The following CC2D1A variants were observed in gnomAD, a reference collection of about 807,000 sequenced individuals.
The protein encoded by CC2D1A is coiled-coil and C2 domain containing 1A.
CC2D1A carries 68 observed loss-of-function variants against 123.8 expected under a neutral mutation model. The ratio of observed to expected loss-of-function variants is 0.55; its 90% CI spans 0.45 to 0.67. CC2D1A has a LOEUF of 0.67. Ranked by LOEUF, CC2D1A falls within the 30% of genes least tolerant of loss-of-function variation. The pLI, the probability that CC2D1A is intolerant of heterozygous loss-of-function variation, is 0.00. For synonymous variants in CC2D1A, 477 were observed against 528.0 expected (o/e 0.90, Z 1.32); for missense variants, 1,185 against 1,290.3 (o/e 0.92, Z 1.25).
chr19:13,907,793 A>G (rs1162825098), intron 1 of CC2D1A, among the ~76,000 whole-genome samples: 1 of 152,202 alleles, frequency 6.6e-6, no homozygotes, highest in African/African-American at 2.4e-5. Context: ...GTTTATGGAA[A>G]GTGCTAGAAC....
Position 13,928,139 on chromosome 19 carries a change from A to C in CC2D1A, c.2470A>C (p.Lys824Gln). 1 of 1,607,514 alleles carries C rather than the reference A, an allele frequency of 6.2e-7. No individual in the cohort carries two copies. Among genetic ancestry groups the C allele is most frequent in the Non-Finnish European group, 8.5e-7 (1 of 1,179,160 alleles). ...TCCTCTGAAGCAGGTTGCTGGGCCCAAAGGGAAGGCCCCTCCTGTGCCTGC... is the reference window on the plus strand; with the variant it reads ...TCCTCTGAAGCAGGTTGCTGGGCCCCAAGGGAAGGCCCCTCCTGTGCCTGC... ...AAVPTQVAGP[K>Q]GKAPPVPAPA... The change falls in exon 24 of 29, where the codon AAA (lysine) becomes CAA (glutamine). Residue 824 changes from lysine (K) to glutamine (Q), a missense_variant. Coordinates refer to ENST00000318003, the MANE Select transcript of CC2D1A (RefSeq NM_017721.5).
At position 13,918,578 on chromosome 19, in the gene CC2D1A, TG is replaced by T. The variant is rs1406886095; in HGVS notation, c.946+3del. On this transcript the variant is annotated splice_donor_region_variant and intron_variant, in intron 8 of 28. Coordinates refer to ENST00000318003, the MANE Select transcript of CC2D1A (RefSeq NM_017721.5). ...TCTCCTGCCTGCCCCCTCCACCCGGTGAGAACCCTGCCATGCCCACTCTCTG... is the reference window on the plus strand; with the variant it reads ...TCTCCTGCCTGCCCCCTCCACCCGGTAGAACCCTGCCATGCCCACTCTCTG... 6.2e-7 allele frequency: 1 copy of T among 1,613,076 alleles called. No homozygotes were observed. Among genetic ancestry groups the T allele is most frequent in the East Asian group, 2.2e-5 (1 of 44,866 alleles).
chr19:13,919,265 A>G, intron 11 of CC2D1A, 63 bp downstream of exon 11: 1 of 1,310,540 alleles, frequency 7.6e-7, no homozygotes, highest in Non-Finnish European at 1.0e-6. Context: ...CCGCCCCCAG[A>G]GGCCCCGCCG....
At chr19:13,927,143 A>G (rs765062482) in intron 21 of CC2D1A, 32 bp from the exon 22 acceptor site, 3 of 1,611,928 alleles carry the variant, frequency 1.9e-6, no homozygotes, top group South Asian at 1.1e-5. Flanking sequence ...TGAACCAACC[A>G]TCCTGTCCCC....
chr19:13,914,380 G>GC (rs1568407827), intron 6 of CC2D1A, among the ~76,000 whole-genome samples: 2 of 151,434 alleles, frequency 1.3e-5, no homozygotes, highest in Non-Finnish European at 1.5e-5. Context: ...TGTCACCCAG[G>GC]CTGGAGTGCA....
chr19:13,916,951 A>G (rs1971228042), intron 6 of CC2D1A, among the ~76,000 whole-genome samples: 1 of 152,216 alleles, frequency 6.6e-6, no homozygotes, highest in African/African-American at 2.4e-5. Context: ...TATTATTTGA[A>G]ACTGTAACTA....
chr19:13,930,201 G>A lies in CC2D1A; in HGVS notation c.2788-41G>A, dbSNP rs1432310219. ...TGGGCACTGGGCAGCGGGCAGGGTG[G>A]GGCCTGCAGGGACTACCTGCTGAAT... is the stretch of plus-strand genomic sequence containing the variant. On this transcript the variant is annotated intron_variant, in intron 27 of 28. Transcript: ENST00000318003. The surrounding 1 kb of genome is among the most constrained non-coding windows in gnomAD (Gnocchi z 6.8). 1 of 1,605,730 alleles carries A rather than the reference G, an allele frequency of 6.2e-7. No individual in the cohort carries two copies. Among genetic ancestry groups the A allele is most frequent in the African/African-American group, 1.5e-5 (1 of 67,868 alleles).
chr19:13,913,063 A>C, intron 4 of CC2D1A, 105 bp from the exon 5 acceptor site: 1 of 1,211,034 alleles, frequency 8.3e-7, no homozygotes, highest in South Asian at 1.6e-5. Context: ...GGGGCAGGGG[A>C]GGCTGGTCCA....
At chr19:13,929,909 G>C (rs1327571163) in intron 26 of CC2D1A, among the ~76,000 whole-genome samples, 169 bp from the exon 27 acceptor site, 3 of 109,686 alleles carry the variant, frequency 2.7e-5, no homozygotes, top group African/African-American at 1.1e-4. Flanking sequence ...GGAGGGGCTC[G>C]GGGATGGGCA....
At position 13,909,918 on chromosome 19, in the gene CC2D1A, CG is replaced by C; in HGVS notation, c.161del (p.Gly54AlafsTer28). On this transcript the variant is annotated frameshift_variant, in exon 2 of 29. Transcript: ENST00000318003. LOFTEE classifies it high-confidence loss of function. ...TGGAGGCTGAGTTCTTGGCTTTGGT[CG>C]GGGGCCAGCCCCCAGCCCTGGAGAA... ...ELEAEFLALV[G>X]GQPPALEKLK... 3.9e-6 allele frequency: 6 copies of C among 1,541,380 alleles called. No homozygotes were observed. Among genetic ancestry groups the C allele is most frequent in the Non-Finnish European group, 5.2e-6 (6 of 1,142,906 alleles).
rs146579593 is a variant in CC2D1A, at chr19:13,923,458, G to A, written c.1764+3G>A. On this transcript the variant is annotated splice_donor_region_variant and intron_variant, in intron 15 of 28. Transcript: ENST00000318003. The surrounding 1 kb of genome is among the most constrained non-coding windows in gnomAD (Gnocchi z 5.3). ...AGCTCATACGGCAGCAGCACGAGGTGAGGGGGAGGCCCCCAGCCCATCCCC... is the reference window on the plus strand; with the variant it reads ...AGCTCATACGGCAGCAGCACGAGGTAAGGGGGAGGCCCCCAGCCCATCCCC... 77 of 1,614,128 alleles carry A rather than the reference G, an allele frequency of 4.8e-5. No homozygotes were observed. In the African/African-American group the frequency reaches 8.4e-4, roughly 18 times the overall value.
intron 12 of CC2D1A, 190 bp from the exon 13 acceptor site, chr19:13,920,367 T>G (rs1212313273): frequency 1.7e-6 from 1 of 596,764 alleles, no homozygotes; most frequent in Non-Finnish European, 2.9e-6. Context: ...ACAGTGATAC[T>G]CTGTCTCAAA....
intron 1 of CC2D1A, among the ~76,000 whole-genome samples, chr19:13,909,245 G>A (rs1294151192): frequency 1.4e-4 from 22 of 151,960 alleles, no homozygotes; most frequent in South Asian, 4.1e-4. Flanking sequence ...GCGTGGTGGC[G>A]GGCGCCTGTA....
intron 17 of CC2D1A, among the ~76,000 whole-genome samples, chr19:13,924,641 TG>T (rs1244183329): frequency 6.6e-6 from 1 of 152,174 alleles, no homozygotes; most frequent in Non-Finnish European, 1.5e-5. Context: ...AGCTAATTTT[TG>T]TATTTTTAGT....
chr19:13,923,493 G>T lies in CC2D1A; in HGVS notation c.1764+38G>T. On this transcript the variant is annotated intron_variant, in intron 15 of 28. Transcript: ENST00000318003. This position sits in a 1 kb window ranked among gnomAD's most constrained non-coding sequence, Gnocchi z 5.3. ...CCCCCAGCCCATCCCCCAGGAGCGT[G>T]ACCCTCCTTCCCCTCTCTTCCCTTC... is the stretch of plus-strand genomic sequence containing the variant. The T allele has an allele frequency of 6.2e-7, 1 of 1,614,008 alleles. No homozygotes were observed.
Position 13,918,161 on chromosome 19 carries a change from C to T in CC2D1A, c.840C>T (p.Thr280=). ...TCCACGCCAAGCAGCAGGGAGATAC[C>T]ACTGCTGCCGCTAGACACTTCCGCG... ...AALHAKQQGD[T]TAAARHFRVA... Residue 280 remains threonine (T), a synonymous_variant, in exon 7 of 29, where the codon ACC becomes ACT. Transcript: ENST00000318003. 1 of 1,606,080 alleles carries T rather than the reference C, an allele frequency of 6.2e-7. No individual in the cohort carries two copies. Among genetic ancestry groups the T allele is most frequent in the Non-Finnish European group, 8.5e-7 (1 of 1,177,576 alleles).
intron 1 of CC2D1A, among the ~76,000 whole-genome samples, chr19:13,909,425 G>T (rs1374176725): frequency 1.3e-5 from 2 of 151,666 alleles, no homozygotes; most frequent in Non-Finnish European, 2.9e-5. Flanking sequence ...AGAGTTGGGG[G>T]TCTCACTGTA....
Position 13,906,970 on chromosome 19 carries a change from G to T in CC2D1A, c.60+469G>T, listed in dbSNP as rs1970776370. On this transcript the variant is annotated intron_variant, in intron 1 of 28. Coordinates refer to ENST00000318003, the MANE Select transcript of CC2D1A (RefSeq NM_017721.5). This position sits in a 1 kb window ranked among gnomAD's most constrained non-coding sequence, Gnocchi z 4.1. ...CCCTTCTCACTCTCCCGACTTCTTTGCCCCAGGCACCAGATAGTTTGATTT... is the reference window on the plus strand; with the variant it reads ...CCCTTCTCACTCTCCCGACTTCTTTTCCCCAGGCACCAGATAGTTTGATTT... Among the ~76,000 whole-genome samples, 1 of 152,098 alleles carries T rather than the reference G, an allele frequency of 6.6e-6. No individual in the cohort carries two copies. The highest frequency in any genetic ancestry group is 2.4e-5 in the African/African-American group (1 of 41,404).
At chr19:13,925,458 T>C (rs1013993628) in intron 17 of CC2D1A, among the ~76,000 whole-genome samples, 2 of 152,050 alleles carry the variant, frequency 1.3e-5, no homozygotes, top group Non-Finnish European at 2.9e-5. Context: ...TAGGCGCCCA[T>C]AGTCCCACCT....
Sources: allele counts gnomAD v4.1 joint callset (sites outside exome capture counted in the v4.1 genomes callset), GRCh38; gene constraint gnomAD v4.1.1; non-coding constraint Gnocchi (gnomAD v3.1); transcripts MANE v1.5; gene names NCBI Gene and HGNC (gene_info 2026-07-23, HGNC 2026-07-21).